Variants in ATAD2B observed in about 807,000 individuals in gnomAD.
ATAD2B encodes ATPase family AAA domain-containing protein 2B.
Under a neutral mutation model 167.6 loss-of-function variants are expected in ATAD2B, and 40 were observed. That is an observed-to-expected ratio of 0.24 (90% CI 0.19 to 0.31). The LOEUF (loss-of-function observed/expected upper bound fraction) is 0.31, where lower values mean the gene tolerates loss of function less well. Ranked by LOEUF, ATAD2B falls within the 10% of genes least tolerant of loss-of-function variation. The pLI is 1.00. For missense variants in ATAD2B, 1,242 were observed against 1,757.2 expected (o/e 0.71, Z 5.24); for synonymous variants, 579 against 596.5 (o/e 0.97, Z 0.43).
At chr2:23,903,355 A>G (rs1701066049) in intron 1 of ATAD2B, among the ~76,000 whole-genome samples, 1 of 152,304 alleles carries the variant, frequency 6.6e-6, no homozygotes, top group Admixed American at 6.5e-5. Flanking sequence ...ACACAATCCA[A>G]GGATGAGATA....
chr2:23,741,315 A>T, the ATAD2B span, among the ~76,000 whole-genome samples: 3 of 152,240 alleles, frequency 2.0e-5, no homozygotes, highest in Non-Finnish European at 4.4e-5. Flanking sequence ...CTACAAGGCT[A>T]CAGGAACCAA....
intron 1 of ATAD2B, among the ~76,000 whole-genome samples, chr2:23,925,889 T>TG (rs1387318737): frequency 6.6e-6 from 1 of 152,186 alleles, no homozygotes; most frequent in Non-Finnish European, 1.5e-5. Context: ...GCTCCTTCTG[T>TG]GACCTGAAAG....
intron 1 of ATAD2B, among the ~76,000 whole-genome samples, chr2:23,907,711 A>G (rs1701695426): frequency 6.6e-6 from 1 of 152,216 alleles, no homozygotes; most frequent in African/African-American, 2.4e-5. Flanking sequence ...ACAAAGCTGG[A>G]GGCATCACAC....
chr2:23,854,993 G>A (rs1246500906), intron 13 of ATAD2B, among the ~76,000 whole-genome samples: 1 of 152,122 alleles, frequency 6.6e-6, no homozygotes, highest in African/African-American at 2.4e-5. Flanking sequence ...TCAAGAGTTC[G>A]AGACCAGTCT....
the ATAD2B span, chr2:23,707,632 G>A: frequency 5.3e-5 from 8 of 152,268 alleles, no homozygotes; most frequent in African/African-American, 9.6e-5. Context: ...GAAGGAGCCC[G>A]GTTCTGGCTC....
chr2:23,745,368 A>AAGGAAG (rs1674783911), downstream of ATAD2B, among the ~76,000 whole-genome samples: 50 of 52,884 alleles, frequency 9.5e-4, 2 homozygotes, highest in Non-Finnish European at 6.5e-4. Context: ...AAGGAAGGAA[A>AAGGAAG]GAAGGAAGGA....
At chr2:23,796,343 T>C (rs1327647938) in intron 19 of ATAD2B, among the ~76,000 whole-genome samples, 1 of 152,200 alleles carries the variant, frequency 6.6e-6, no homozygotes, top group African/African-American at 2.4e-5. Flanking sequence ...AAAAGGTTAC[T>C]AGTCAGTGGG....
In ATAD2B at chr2:23,750,717, C is replaced by T. The variant is rs1056238399; in HGVS notation, c.*1329G>A. 3 of 152,150 alleles carry T rather than the reference C, an allele frequency of 2.0e-5. No homozygotes were observed. The highest frequency in any genetic ancestry group is 7.2e-5 in the African/African-American group (3 of 41,452). 9.4% of individuals were successfully genotyped at this position (152,150 alleles called of 1,614,324 possible). On this transcript the variant is annotated 3_prime_UTR_variant, in exon 28 of 28. Coordinates refer to ENST00000238789, the MANE Select transcript of ATAD2B (RefSeq NM_017552.4). ...AAAAATCATCTGATAAAAAAAGTCACTGCATCCTTTGCCTCATTGCAACTG... is the reference window on the plus strand; with the variant it reads ...AAAAATCATCTGATAAAAAAAGTCATTGCATCCTTTGCCTCATTGCAACTG...
At chr2:23,806,641 A>T (rs971078227) in intron 18 of ATAD2B, among the ~76,000 whole-genome samples, 3 of 152,150 alleles carry the variant, frequency 2.0e-5, no homozygotes, top group Non-Finnish European at 4.4e-5. Context: ...CTTAATTTAT[A>T]CATTAATTTA....
At chr2:23,684,007 G>A in the ATAD2B span, among the ~76,000 whole-genome samples, 4 of 152,032 alleles carry the variant, frequency 2.6e-5, no homozygotes, top group East Asian at 1.9e-4. This position sits in a 1 kb window ranked among gnomAD's most constrained non-coding sequence, Gnocchi z 4.4. Context: ...CCAATACATC[G>A]GCACCCATTG....
chr2:23,896,153 C>CAAA lies in ATAD2B; in HGVS notation c.217-186_217-184dup, dbSNP rs1158562523. Among the ~76,000 whole-genome samples the CAAA allele has an allele frequency of 6.4e-3, 803 of 125,588 alleles. 12 individuals carry two copies. Among genetic ancestry groups the CAAA allele is most frequent in the African/African-American group, 0.021 (695 of 33,736 alleles). The allele number at this position is 125,588 out of a possible 152,430, so 82.4% of individuals were successfully genotyped here. On this transcript the variant is annotated intron_variant, in intron 1 of 27. Transcript: ENST00000238789. ...CAACATGGTGAAACCCCGCCTCTAC[C>CAAA]AAAAAAAAAAAAAAAAAATTAGCTG...
chr2:23,767,306 T>C (rs1266033420), intron 22 of ATAD2B, among the ~76,000 whole-genome samples: 1 of 152,098 alleles, frequency 6.6e-6, no homozygotes, highest in Non-Finnish European at 1.5e-5. Flanking sequence ...GCCTGTGTGG[T>C]CTAACCCTAG....
intron 1 of ATAD2B, among the ~76,000 whole-genome samples, chr2:23,905,951 T>C (rs1335478205): frequency 1.3e-5 from 2 of 152,176 alleles, no homozygotes; most frequent in African/African-American, 2.4e-5. Context: ...GGGGTACAAA[T>C]TGGTGTAGTC....
At chr2:23,717,538 C>T in the ATAD2B span, among the ~76,000 whole-genome samples, 9 of 152,208 alleles carry the variant, frequency 5.9e-5, no homozygotes, top group East Asian at 1.7e-3. Context: ...TTCAGAAAGT[C>T]AGCAGCCATT....
At chr2:23,721,609 T>C in the ATAD2B span, among the ~76,000 whole-genome samples, 3 of 151,628 alleles carry the variant, frequency 2.0e-5, no homozygotes, top group African/African-American at 7.3e-5. Context: ...AACAATATCC[T>C]ACCATATCCT....
chr2:23,793,030 G>A (rs1179861912), intron 19 of ATAD2B, among the ~76,000 whole-genome samples: 3 of 135,818 alleles, frequency 2.2e-5, no homozygotes, highest in Non-Finnish European at 4.6e-5. Flanking sequence ...TAAGAATCAC[G>A]TAATTGTTTT....
In ATAD2B at chr2:23,751,711, T is replaced by G. The variant is rs1375975212; in HGVS notation, c.*335A>C. Reference sequence around the variant, plus strand: ...TCCAGTTTCCTCCTGTTTGCTGGTCTGCTCCCTAAGAGAGGAGTCTCCAAA... The same window carrying G: ...TCCAGTTTCCTCCTGTTTGCTGGTCGGCTCCCTAAGAGAGGAGTCTCCAAA... On this transcript the variant is annotated 3_prime_UTR_variant, in exon 28 of 28. Transcript: ENST00000238789. 2 of 286,314 alleles carry G rather than the reference T, an allele frequency of 7.0e-6. No homozygotes were observed. The highest frequency in any genetic ancestry group is 1.3e-5 in the Non-Finnish European group (2 of 154,606). The allele number at this position is 286,314 out of a possible 1,614,324, so 17.7% of individuals were successfully genotyped here. A position where few individuals can be genotyped will look rare whatever the true frequency, so the allele number is the denominator to read the frequency against.
chr2:23,878,302 A>C (rs1558715166), intron 7 of ATAD2B, among the ~76,000 whole-genome samples: 1 of 151,866 alleles, frequency 6.6e-6, no homozygotes, highest in African/African-American at 2.4e-5. Context: ...CGGAGGCTGC[A>C]GTGAGCCAAG....
intron 25 of ATAD2B, among the ~76,000 whole-genome samples, chr2:23,756,515 A>G (rs1428631957): frequency 1.3e-5 from 2 of 152,190 alleles, no homozygotes; most frequent in Non-Finnish European, 2.9e-5. Flanking sequence ...CTATCCAGGA[A>G]GGAAATGTAT....
Sources: gnomAD v4.1 joint callset for allele counts (sites outside exome capture counted in the v4.1 genomes callset) on GRCh38, gnomAD v4.1.1 for gene constraint, Gnocchi (gnomAD v3.1) non-coding constraint, MANE v1.5 for transcripts, NCBI Gene and HGNC (gene_info 2026-07-23, HGNC 2026-07-21) for gene names.